FGF14: variants seen among roughly 807,000 people sequenced by gnomAD.
FGF14 encodes fibroblast growth factor homologous factor 4.
FGF14 carries 5 observed loss-of-function variants against 25.5 expected under a neutral mutation model. The ratio of observed to expected loss-of-function variants is 0.20; its 90% CI spans 0.10 to 0.41. The LOEUF (loss-of-function observed/expected upper bound fraction) is 0.41. Ranked by LOEUF, FGF14 falls within the 10% of genes least tolerant of loss-of-function variation. The pLI is 1.00. For synonymous variants in FGF14, 138 were observed against 118.3 expected (o/e 1.17, Z -1.08); for missense variants, 222 against 320.1 (o/e 0.69, Z 2.34).
intron 1 of FGF14, among the ~76,000 whole-genome samples, chr13:101,897,108 T>G (rs1159771406): frequency 1.3e-5 from 2 of 152,194 alleles, no homozygotes; most frequent in Non-Finnish European, 2.9e-5. Context: ...TATATTATTA[T>G]GTGTACAGGA....
chr13:102,178,744 T>C (rs1435308977), intron 1 of FGF14, among the ~76,000 whole-genome samples: 1 of 152,154 alleles, frequency 6.6e-6, no homozygotes, highest in Non-Finnish European at 1.5e-5. Context: ...GGCTGAGTAG[T>C]AATCTATCGT....
chr13:102,163,548 G>A (rs376734243), intron 1 of FGF14, among the ~76,000 whole-genome samples: 10 of 152,226 alleles, frequency 6.6e-5, no homozygotes, highest in East Asian at 1.9e-4. Context: ...GTTGTGTACC[G>A]TGTCTTAGAG....
chr13:102,383,954 T>G (rs150092519), intron 1 of FGF14, among the ~76,000 whole-genome samples: 1 of 152,286 alleles, frequency 6.6e-6, no homozygotes, highest in African/African-American at 2.4e-5. Context: ...TCTCATATGT[T>G]AAAATGTAAT....
At chr13:101,966,499 T>C (rs574157608) in intron 1 of FGF14, among the ~76,000 whole-genome samples, 1 of 152,192 alleles carries the variant, frequency 6.6e-6, no homozygotes, top group East Asian at 1.9e-4. Flanking sequence ...TTTTGTTTTT[T>C]TGAGACAGAG....
At chr13:102,092,439 C>A (rs1040602188) in intron 1 of FGF14, among the ~76,000 whole-genome samples, 1 of 152,106 alleles carries the variant, frequency 6.6e-6, no homozygotes, top group Middle Eastern at 3.2e-3. Flanking sequence ...TAAAATAAGG[C>A]AGAGGCAGAA....
intron 1 of FGF14, among the ~76,000 whole-genome samples, chr13:102,003,902 T>G (rs2039643487): frequency 6.6e-6 from 1 of 152,154 alleles, no homozygotes; most frequent in African/African-American, 2.4e-5. Context: ...ACCACTCAGT[T>G]AGTGATCAAA....
chr13:101,959,907 T>C (rs58084486), intron 1 of FGF14, among the ~76,000 whole-genome samples: 8,164 of 152,276 alleles, frequency 0.054, 311 homozygotes, highest in East Asian at 0.16. Context: ...CTAAATTGAA[T>C]CTGGAGATGA....
chr13:101,916,549 G>C lies in FGF14; in HGVS notation c.97C>G (p.Pro33Ala). The change falls in exon 1 of 5, where the codon CCC becomes GCC. Residue 33 changes from proline to alanine, a missense_variant. Around this residue, in one of 5 missense-constraint regions of FGF14, gnomAD observed 80 missense variants for 72.2 expected, o/e 1.11. Coordinates refer to ENST00000376143, the MANE Select transcript of FGF14 (RefSeq NM_004115.4). ...TTGCAGAGCCCGCGGTTCTTGCTGG[G>C]GCTGCTCCGCCTCCTGCTGGCAGAC... is the stretch of plus-strand genomic sequence containing the variant. ...RPSASRRRSS[P>A]SKNRGLCNGN... The C allele has an allele frequency of 6.2e-7, 1 of 1,613,394 alleles. No individual in the cohort carries two copies. The highest frequency in any genetic ancestry group is 8.5e-7 in the Non-Finnish European group (1 of 1,179,858).
intron 1 of FGF14, among the ~76,000 whole-genome samples, chr13:102,248,601 T>C (rs1203597339): frequency 2.0e-5 from 3 of 151,972 alleles, no homozygotes; most frequent in African/African-American, 7.3e-5. Context: ...GAGAGGGAGA[T>C]GGGGGCCAGA....
chr13:101,833,969 T>A (rs1019919906), intron 3 of FGF14, among the ~76,000 whole-genome samples: 2 of 152,096 alleles, frequency 1.3e-5, no homozygotes, highest in African/African-American at 4.8e-5. Context: ...AACAAGATCA[T>A]AATCCTAATT....
intron 1 of FGF14, among the ~76,000 whole-genome samples, chr13:102,013,751 C>A (rs2040199146): frequency 2.0e-5 from 3 of 152,156 alleles, no homozygotes; most frequent in African/African-American, 7.2e-5. Flanking sequence ...CTACTACCTA[C>A]TAGGCTTGAT....
At chr13:102,329,619 T>C (rs115536884) in intron 1 of FGF14, among the ~76,000 whole-genome samples, 1,870 of 152,272 alleles carry the variant, frequency 0.012, 38 homozygotes, top group African/African-American at 0.042. Context: ...CATGGTGGCC[T>C]TTCAGTTCCT....
chr13:102,385,103 T>C (rs976241564), intron 1 of FGF14, among the ~76,000 whole-genome samples: 1 of 152,204 alleles, frequency 6.6e-6, no homozygotes, highest in Non-Finnish European at 1.5e-5. Context: ...AATGACCATA[T>C]GGAGACAGCA....
At chr13:101,898,780 AAAC>A (rs2031105272) in intron 1 of FGF14, among the ~76,000 whole-genome samples, 1 of 152,204 alleles carries the variant, frequency 6.6e-6, no homozygotes, top group Non-Finnish European at 1.5e-5. Context: ...ATATTTTTAA[AAAC>A]AAGAAGAGAA....
At chr13:102,272,663 T>C (rs2053308066) in intron 1 of FGF14, among the ~76,000 whole-genome samples, 1 of 152,138 alleles carries the variant, frequency 6.6e-6, no homozygotes, top group African/African-American at 2.4e-5. Flanking sequence ...GCAGTAGAAA[T>C]GGTAGTCATT....
chr13:102,097,631 G>A (rs1342439049), intron 1 of FGF14, among the ~76,000 whole-genome samples: 1 of 152,108 alleles, frequency 6.6e-6, no homozygotes. Flanking sequence ...TGGAGCTGAG[G>A]GCCAAACTGG....
At chr13:102,359,014 T>C (rs1260868871) in intron 1 of FGF14, among the ~76,000 whole-genome samples, 1 of 152,202 alleles carries the variant, frequency 6.6e-6, no homozygotes, top group Non-Finnish European at 1.5e-5. Flanking sequence ...TCATGTCCTT[T>C]GCAGGAACAT....
At chr13:102,350,497 T>C (rs1346133577) in intron 1 of FGF14, among the ~76,000 whole-genome samples, 1 of 152,208 alleles carries the variant, frequency 6.6e-6, no homozygotes, top group African/African-American at 2.4e-5. Flanking sequence ...TTCCTGCCCA[T>C]GTGGAAACTC....
At chr13:101,824,370 G>A (rs1323183469) in intron 3 of FGF14, among the ~76,000 whole-genome samples, 4 of 152,126 alleles carry the variant, frequency 2.6e-5, no homozygotes, top group African/African-American at 9.7e-5. Flanking sequence ...GGTTCTCTGT[G>A]CTTGTTAATC....
Sources: allele counts gnomAD v4.1 joint callset (sites outside exome capture counted in the v4.1 genomes callset), GRCh38; gene constraint gnomAD v4.1.1; regional missense constraint gnomAD v4.1.1; transcripts MANE v1.5; gene names NCBI Gene and HGNC (gene_info 2026-07-23, HGNC 2026-07-21).